Variants in PTPRD observed in about 807,000 individuals in gnomAD.
The protein encoded by PTPRD is receptor-type tyrosine-protein phosphatase delta.
PTPRD carries 34 observed loss-of-function variants against 214.5 expected under a neutral mutation model. That is an observed-to-expected ratio of 0.16 (90% CI 0.12 to 0.21). The LOEUF (loss-of-function observed/expected upper bound fraction) is 0.21, where lower values mean the gene tolerates loss of function less well. PTPRD is among the 10% of genes least tolerant of loss of function. PTPRD has a pLI of 1.00. For synonymous variants in PTPRD, 1,128 were observed against 845.7 expected, an observed-to-expected ratio of 1.33 and a Z score of -5.79; for missense variants, 2,545 against 2,398.7, an observed-to-expected ratio of 1.06 and a Z score of -1.27.
At chr9:10,281,517 T>C (rs2095111053) in intron 3 of PTPRD, among the ~76,000 whole-genome samples, 1 of 152,082 alleles carries the variant, frequency 6.6e-6, no homozygotes. Flanking sequence ...GAGAATGGAG[T>C]CTCAAACTAT....
intron 4 of PTPRD, among the ~76,000 whole-genome samples, chr9:10,006,221 G>T (rs2096471287): frequency 6.6e-6 from 1 of 152,082 alleles, no homozygotes; most frequent in Admixed American, 6.6e-5. Flanking sequence ...ATACATTGAT[G>T]ATTTACATCA....
At chr9:9,522,891 C>T (rs984713169) in intron 8 of PTPRD, among the ~76,000 whole-genome samples, 23 of 152,100 alleles carry the variant, frequency 1.5e-4, no homozygotes, top group Non-Finnish European at 1.2e-4. Flanking sequence ...AGTTGCCTGA[C>T]ATTTACAACC....
chr9:9,522,203 C>A (rs1341728119), intron 8 of PTPRD, among the ~76,000 whole-genome samples: 2 of 146,714 alleles, frequency 1.4e-5, no homozygotes, highest in Admixed American at 6.8e-5. Flanking sequence ...TATAATTTTG[C>A]ATATTCAGAA....
intron 5 of PTPRD, among the ~76,000 whole-genome samples, chr9:9,826,114 G>A (rs1340202593): frequency 6.6e-6 from 1 of 151,514 alleles, no homozygotes; most frequent in Non-Finnish European, 1.5e-5. Flanking sequence ...TCTTCCTTGT[G>A]TATCTTTAAT....
At chr9:8,649,902 C>T (rs1231862176) in intron 12 of PTPRD, among the ~76,000 whole-genome samples, 1 of 151,894 alleles carries the variant, frequency 6.6e-6, no homozygotes, top group African/African-American at 2.4e-5. Flanking sequence ...ACTTTAAGGG[C>T]TATTTTTTTA....
At chr9:9,294,379 TACTC>T (rs1303194106) in intron 9 of PTPRD, among the ~76,000 whole-genome samples, 1 of 151,748 alleles carries the variant, frequency 6.6e-6, no homozygotes, top group Non-Finnish European at 1.5e-5. Flanking sequence ...TATGAGTTCA[TACTC>T]AAGAAAGTAA....
Position 9,023,653 on chromosome 9 carries a change from C to G in PTPRD, c.-142-4918G>C, listed in dbSNP as rs1405832718. ...ACTAGGCAGCTTTTCAGCTCACATC[C>G]CCCGCTCTCCCTCCCCCGTCTAATA... On this transcript the variant is annotated intron_variant, in intron 10 of 45. Coordinates refer to ENST00000381196, the MANE Select transcript of PTPRD (RefSeq NM_002839.4). Among the ~76,000 whole-genome samples, 3 of 151,796 alleles carry G rather than the reference C, an allele frequency of 2.0e-5. No homozygotes were observed. In the East Asian group the frequency reaches 5.8e-4, roughly 29 times the overall value.
intron 12 of PTPRD, among the ~76,000 whole-genome samples, chr9:8,643,905 C>T (rs1040437980): frequency 6.6e-6 from 1 of 152,168 alleles, no homozygotes; most frequent in African/African-American, 2.4e-5. Context: ...CCGGTGAGGT[C>T]CCACCTTCAG....
intron 14 of PTPRD, among the ~76,000 whole-genome samples, chr9:8,621,024 A>AT (rs1336699473): frequency 6.6e-6 from 1 of 152,032 alleles, no homozygotes; most frequent in Admixed American, 6.6e-5. Context: ...CAAAAATCTT[A>AT]TTTTTACAAA....
chr9:8,753,509 G>A (rs6477353), intron 11 of PTPRD, among the ~76,000 whole-genome samples: 7,772 of 152,196 alleles, frequency 0.051, 498 homozygotes, highest in African/African-American at 0.15. Flanking sequence ...TCCTCTGGCC[G>A]GTTTCTAACA....
At chr9:9,438,683 G>T (rs1367603300) in intron 8 of PTPRD, among the ~76,000 whole-genome samples, 1 of 152,084 alleles carries the variant, frequency 6.6e-6, no homozygotes, top group Non-Finnish European at 1.5e-5. Flanking sequence ...TTATGAATTA[G>T]TATTTAAAAA....
intron 11 of PTPRD, among the ~76,000 whole-genome samples, chr9:8,823,567 C>G (rs1037124566): frequency 1.3e-5 from 2 of 152,038 alleles, no homozygotes; most frequent in Non-Finnish European, 2.9e-5. Flanking sequence ...GGGAAGATCA[C>G]CTGGGCCAGG....
At chr9:9,910,512 G>C (rs753308256) in intron 5 of PTPRD, among the ~76,000 whole-genome samples, 2 of 151,946 alleles carry the variant, frequency 1.3e-5, no homozygotes, top group Non-Finnish European at 2.9e-5. Context: ...TGACAGTGTA[G>C]GGGTCTGAAA....
intron 11 of PTPRD, among the ~76,000 whole-genome samples, chr9:8,994,053 T>G (rs2099387462): frequency 6.6e-6 from 1 of 152,120 alleles, no homozygotes; most frequent in African/African-American, 2.4e-5. Flanking sequence ...CAATGTAGGA[T>G]TTAAGCAACA....
chr9:8,926,351 C>T (rs185725185), intron 11 of PTPRD, among the ~76,000 whole-genome samples: 1 of 152,142 alleles, frequency 6.6e-6, no homozygotes, highest in African/African-American at 2.4e-5. Flanking sequence ...ATAAAAATGA[C>T]AATAGGAGTA....
At position 10,169,197 on chromosome 9, in the gene PTPRD, G is replaced by A. The variant is rs547478427; in HGVS notation, c.-544-135407C>T. ...AAAAACCTATGAATAAAAGCAGGCC[G>A]GGCGCGGTGGCTCACGCCTGTAATC... On this transcript the variant is annotated intron_variant, in intron 3 of 45. Transcript: ENST00000381196. Among the ~76,000 whole-genome samples, 7 of 152,142 alleles carry A rather than the reference G, an allele frequency of 4.6e-5. No individual in the cohort carries two copies. In the East Asian group the frequency reaches 9.6e-4, roughly 21 times the overall value.
In PTPRD at chr9:9,367,143, T is replaced by C. The variant is rs138341363; in HGVS notation, c.-203+30306A>G. ...ATATAATCAGTGTTACGTGGGGTTA[T>C]TTATATTTATACATATTTATGCTAA... On this transcript the variant is annotated intron_variant, in intron 9 of 45. Transcript: ENST00000381196. Among the ~76,000 whole-genome samples, 67 of 151,630 alleles carry C rather than the reference T, an allele frequency of 4.4e-4. No homozygotes were observed. In the East Asian group the frequency reaches 0.013, roughly 29 times the overall value.
intron 14 of PTPRD, among the ~76,000 whole-genome samples, chr9:8,575,960 C>T (rs2092296391): frequency 6.6e-6 from 1 of 152,122 alleles, no homozygotes; most frequent in Non-Finnish European, 1.5e-5. Context: ...AAGATTTCAG[C>T]AGAGAAATAA....
At chr9:9,740,928 T>G (rs866185398) in intron 6 of PTPRD, among the ~76,000 whole-genome samples, 14 of 152,270 alleles carry the variant, frequency 9.2e-5, no homozygotes, top group Admixed American at 8.5e-4. Flanking sequence ...ATATTCTATG[T>G]GGCTGAAGTC....
Sources: allele counts gnomAD v4.1 joint callset (sites outside exome capture counted in the v4.1 genomes callset), GRCh38; gene constraint gnomAD v4.1.1; transcripts MANE v1.5; gene names NCBI Gene and HGNC (gene_info 2026-07-23, HGNC 2026-07-21).